The following KIF4A variants were observed in gnomAD, a reference collection of about 807,000 sequenced individuals.
The protein encoded by KIF4A is kinesin family member 4A.
Under a neutral mutation model 105.9 loss-of-function variants are expected in KIF4A, and 7 were observed. The ratio of observed to expected loss-of-function variants is 0.07; its 90% CI spans 0.04 to 0.12. The LOEUF (loss-of-function observed/expected upper bound fraction) is 0.12, where lower values mean the gene tolerates loss of function less well. Among genes scored for constraint, KIF4A ranks in the 10% least tolerant of loss-of-function variants. The probability of loss-of-function intolerance (pLI) is 1.00; values close to 1 mark genes in which losing one functional copy is unlikely to be tolerated. For missense variants in KIF4A, 558 were observed against 929.2 expected, an observed-to-expected ratio of 0.60 and a Z score of 5.19; for synonymous variants, 281 against 331.3, an observed-to-expected ratio of 0.85 and a Z score of 1.65.
intron 28 of KIF4A, among the ~76,000 whole-genome samples, chrX:70,413,436 C>T (rs781516893): frequency 6.4e-4 from 71 of 110,333 alleles, no homozygotes; most frequent in African/African-American, 2.1e-3. Context: ...GAGTTCAAAA[C>T]CAGCCTGGCC....
At chrX:70,370,816 A>G (rs1403708901) in intron 15 of KIF4A, among the ~76,000 whole-genome samples, 2 of 108,327 alleles carry the variant, frequency 1.8e-5, no homozygotes, top group African/African-American at 6.7e-5. Flanking sequence ...GGTGCCTGTA[A>G]TCTCAGCTAC....
chrX:70,402,502 A>AGC, intron 22 of KIF4A, 64 bp from the exon 23 acceptor site: 2 of 1,150,497 alleles, frequency 1.7e-6, no homozygotes, highest in Non-Finnish European at 1.2e-6. Flanking sequence ...TTCTCCTCAG[A>AGC]GCTCTTCCCC....
At chrX:70,371,692 C>T (rs1351187456) in intron 15 of KIF4A, among the ~76,000 whole-genome samples, 1 of 106,441 alleles carries the variant, frequency 9.4e-6, no homozygotes, top group African/African-American at 3.4e-5. Flanking sequence ...GACGGCTGGC[C>T]GGGCGGGGCC....
intron 15 of KIF4A, among the ~76,000 whole-genome samples, chrX:70,368,124 G>A (rs1408724392): frequency 8.9e-6 from 1 of 111,818 alleles, no homozygotes; most frequent in Non-Finnish European, 1.9e-5. Flanking sequence ...GGACTTCTCT[G>A]CATTGGTTAT....
chrX:70,368,534 G>A (rs1432354080), intron 15 of KIF4A, among the ~76,000 whole-genome samples: 1 of 112,022 alleles, frequency 8.9e-6, no homozygotes, highest in African/African-American at 3.2e-5. Context: ...TGTTTGCCTG[G>A]GTATCAGCAG....
chrX:70,304,090 T>G (rs1380097955), intron 7 of KIF4A, among the ~76,000 whole-genome samples: 1 of 50,303 alleles, frequency 2.0e-5, no homozygotes, highest in African/African-American at 7.7e-5. Context: ...CCCTCCCCCC[T>G]CCCCCCACCC....
rs376615921 is a variant in KIF4A, at chrX:70,418,779, G to T, written c.3372+775G>T. The stretch of plus-strand genomic sequence containing the variant: ...ATCCACATGTGAAGAGTTTCAACCT[G>T]CATCTTCTATTAAAAAGACCTCTGG... On this transcript the variant is annotated intron_variant, in intron 29 of 30. Transcript: ENST00000374403. Among the ~76,000 whole-genome samples, 5 of 111,964 alleles carry T rather than the reference G, an allele frequency of 4.5e-5. No homozygotes were observed. The East Asian group carries it at 1.4e-3, about 32-fold the overall frequency.
intron 13 of KIF4A, among the ~76,000 whole-genome samples, chrX:70,347,475 T>C (rs1482701453): frequency 8.9e-6 from 1 of 111,802 alleles, no homozygotes; most frequent in African/African-American, 3.3e-5. Flanking sequence ...AAGCCAAAGA[T>C]AAACCCAGAG....
At chrX:70,372,997 G>A (rs2086146636) in intron 15 of KIF4A, among the ~76,000 whole-genome samples, 1 of 112,320 alleles carries the variant, frequency 8.9e-6, no homozygotes, top group South Asian at 3.7e-4. Flanking sequence ...GGGGCTGGGT[G>A]CCATGGCTCA....
intron 28 of KIF4A, among the ~76,000 whole-genome samples, chrX:70,416,345 CTTTTTTTTTTTT>C (rs376059238): frequency 3.2e-5 from 2 of 62,760 alleles, no homozygotes; most frequent in Non-Finnish European, 5.7e-5. Context: ...TCTGCACAGT[CTTTTTTTTTTTT>C]TTTTTTTTTT....
chrX:70,296,511 A>G (rs1439643663), intron 3 of KIF4A, among the ~76,000 whole-genome samples: 1 of 112,725 alleles, frequency 8.9e-6, no homozygotes, highest in East Asian at 2.8e-4. Context: ...CTGAGAGTTC[A>G]GATATGAAGT....
At chrX:70,381,530 ACT>A (rs1322885851) in intron 18 of KIF4A, among the ~76,000 whole-genome samples, 1 of 111,997 alleles carries the variant, frequency 8.9e-6, no homozygotes, top group Non-Finnish European at 1.9e-5. Flanking sequence ...ACAGTGCAAG[ACT>A]CTGTCTCAAG....
chrX:70,343,735 G>A lies in KIF4A; in HGVS notation c.1299G>A (p.Lys433=), dbSNP rs1356674000. ...AAGCGAATGAAAAAATGAACGCCAA[G>A]CTAGAAGAGCTCAGGCAGCATGCGG... ...TEQANEKMNA[K]LEELRQHAAC... Residue 433 remains lysine (K), a synonymous_variant, in exon 12 of 31, where the codon AAG becomes AAA. Transcript: ENST00000374403. 8.3e-7 allele frequency: 1 copy of A among 1,210,047 alleles called. No homozygotes were observed. Among genetic ancestry groups the A allele is most frequent in the Non-Finnish European group, 1.1e-6 (1 of 895,167 alleles).
At chrX:70,370,040 A>G (rs2086123815) in intron 15 of KIF4A, among the ~76,000 whole-genome samples, 2 of 111,501 alleles carry the variant, frequency 1.8e-5, no homozygotes, top group Admixed American at 1.9e-4. Flanking sequence ...CAGTACAGTC[A>G]TATGATGTAC....
intron 22 of KIF4A, among the ~76,000 whole-genome samples, chrX:70,397,987 T>C (rs2086266704): frequency 8.9e-6 from 1 of 112,316 alleles, no homozygotes; most frequent in Admixed American, 9.4e-5. Context: ...CCACAGAAAC[T>C]GACAAAAGTT....
chrX:70,305,102 T>G (rs1490068147), intron 7 of KIF4A, among the ~76,000 whole-genome samples: 3 of 111,933 alleles, frequency 2.7e-5, no homozygotes, highest in African/African-American at 9.7e-5. Context: ...TTCATTTATC[T>G]TGGGTATATA....
intron 15 of KIF4A, among the ~76,000 whole-genome samples, chrX:70,367,635 G>T (rs779251028): frequency 1.8e-5 from 2 of 112,018 alleles, no homozygotes; most frequent in South Asian, 7.5e-4. Flanking sequence ...TAGTCTGATG[G>T]GCTTCCCTTT....
chrX:70,405,717 A>G (rs775559800), intron 25 of KIF4A, 111 bp from the exon 26 acceptor site: 1 of 554,098 alleles, frequency 1.8e-6, no homozygotes, highest in East Asian at 3.6e-5. Context: ...TGCAAAAACC[A>G]TCTGCTGCCA....
chrX:70,416,226 C>T (rs1182490822), intron 28 of KIF4A, among the ~76,000 whole-genome samples: 1 of 109,778 alleles, frequency 9.1e-6, no homozygotes, highest in African/African-American at 3.3e-5. Flanking sequence ...TAATTACTCC[C>T]CATCTTTTCT....
Sources: allele counts gnomAD v4.1 joint callset (sites outside exome capture counted in the v4.1 genomes callset), GRCh38; gene constraint gnomAD v4.1.1; transcripts MANE v1.5; gene names NCBI Gene and HGNC (gene_info 2026-07-23, HGNC 2026-07-21).